Variants in MIX23 observed in about 807,000 individuals in gnomAD.
MIX23 encodes the protein mitochondrial matrix import factor 23.
MIX23 carries 13 observed loss-of-function variants against 21.6 expected under a neutral mutation model. The ratio of observed to expected loss-of-function variants is 0.60; its 90% CI spans 0.39 to 0.96. MIX23 has a LOEUF of 0.96. MIX23 is among the 40% of genes least tolerant of loss of function. The pLI, the probability that MIX23 is intolerant of heterozygous loss-of-function variation, is 0.00. For synonymous variants in MIX23, 59 were observed against 58.0 expected, an observed-to-expected ratio of 1.02 and a Z score of -0.08; for missense variants, 144 against 171.2, an observed-to-expected ratio of 0.84 and a Z score of 0.89.
At position 122,360,104 on chromosome 3, in the gene MIX23, G is replaced by A. The variant is rs554817543; in HGVS notation, c.385-185C>T. ...TTATGAGGTGCCAAATGCACAGAAG[G>A]CCTTGACATCCATTTACAAGACAAT... is the stretch of plus-strand genomic sequence containing the variant. On this transcript the variant is annotated intron_variant, in intron 4 of 4. Coordinates refer to ENST00000291458, the MANE Select transcript of MIX23 (RefSeq NM_001017928.4). 2.6e-5 allele frequency among the ~76,000 whole-genome samples: 4 copies of A among 152,166 alleles called. No homozygotes were observed. The East Asian group carries it at 7.7e-4, about 29-fold the overall frequency.
intron 1 of MIX23, among the ~76,000 whole-genome samples, chr3:122,378,060 A>T (rs1222510727): frequency 6.6e-6 from 1 of 152,204 alleles, no homozygotes; most frequent in African/African-American, 2.4e-5. Flanking sequence ...TCTGAGACCC[A>T]CAGGGAACCA....
At chr3:122,360,978 G>A (rs1025995611) in intron 4 of MIX23, among the ~76,000 whole-genome samples, 1 of 152,022 alleles carries the variant, frequency 6.6e-6, no homozygotes, top group African/African-American at 2.4e-5. Flanking sequence ...CGAGTAGCTG[G>A]GACTACAGGC....
At chr3:122,382,289 T>A (rs1266173840) in intron 1 of MIX23, among the ~76,000 whole-genome samples, 1 of 152,178 alleles carries the variant, frequency 6.6e-6, no homozygotes, top group Non-Finnish European at 1.5e-5. Flanking sequence ...GGTGAGACAC[T>A]CTCGCTACAA....
At chr3:122,368,131 A>G (rs762961664) in intron 3 of MIX23, 45 bp downstream of exon 3, 4 of 1,594,824 alleles carry the variant, frequency 2.5e-6, no homozygotes, top group African/African-American at 2.7e-5. Flanking sequence ...GAAGGCTACA[A>G]TTGGAAAAAC....
At chr3:122,374,762 G>T (rs1196445748) in intron 1 of MIX23, among the ~76,000 whole-genome samples, 1 of 152,176 alleles carries the variant, frequency 6.6e-6, no homozygotes. Flanking sequence ...CAAAATTCCT[G>T]AAGGGGGAGA....
intron 2 of MIX23, among the ~76,000 whole-genome samples, chr3:122,368,803 A>T (rs1037669192): frequency 2.0e-5 from 3 of 152,240 alleles, no homozygotes; most frequent in Admixed American, 2.0e-4. Context: ...TCATGTATAG[A>T]AGATTTCATT....
chr3:122,371,792 G>C lies in MIX23; in HGVS notation c.60C>G (p.Leu20=), dbSNP rs1388849858. 1.3e-6 allele frequency: 2 copies of C among 1,597,476 alleles called. No homozygotes were observed. The highest frequency in any genetic ancestry group is 1.7e-6 in the Non-Finnish European group (2 of 1,165,954). ...TGTCATCAATTGTCCTCATCACCTT[G>C]AGTAATTCCTATATGTATTTAAAAT... ...CEEFAEFQEL[L]KVMRTIDDRI... Residue 20 remains leucine (L), a synonymous_variant, in exon 2 of 5, where the codon CTC becomes CTG. Coordinates refer to ENST00000291458, the MANE Select transcript of MIX23 (RefSeq NM_001017928.4).
At chr3:122,368,786 A>C (rs1312609401) in intron 2 of MIX23, among the ~76,000 whole-genome samples, 3 of 152,248 alleles carry the variant, frequency 2.0e-5, no homozygotes, top group African/African-American at 7.2e-5. Context: ...AGAAATTATA[A>C]ACTAAGTCAT....
At chr3:122,371,434 A>G (rs2075440982) in intron 2 of MIX23, among the ~76,000 whole-genome samples, 2 of 152,232 alleles carry the variant, frequency 1.3e-5, no homozygotes, top group South Asian at 4.1e-4. Flanking sequence ...AAAGGCTACA[A>G]AACAACTGCT....
intron 1 of MIX23, among the ~76,000 whole-genome samples, chr3:122,375,177 G>A (rs900724813): frequency 3.9e-5 from 6 of 152,130 alleles, no homozygotes; most frequent in African/African-American, 1.4e-4. Flanking sequence ...TAGAATTAAG[G>A]AGAGGTAGTT....
chr3:122,371,281 T>C (rs2075439835), intron 2 of MIX23, among the ~76,000 whole-genome samples: 1 of 152,184 alleles, frequency 6.6e-6, no homozygotes, highest in Non-Finnish European at 1.5e-5. Flanking sequence ...GGTTTAAAGG[T>C]GTGAAGGGTT....
rs1459400261 is a variant in MIX23 at position 122,368,250 on chromosome 3, T to A, written c.250A>T (p.Asn84Tyr). Reference protein sequence around the residue: ...CIAQTSAVVKNLREEREKNLD... With the variant: ...CIAQTSAVVKYLREEREKNLD... ...TTCTTTTCTCTCTCTTCTCGGAGGT[T>A]TTTTACTACTGCTGAAGTCTGGGCT... The change falls in exon 3 of 5, where the codon AAC becomes TAC. Residue 84 changes from asparagine (N) to tyrosine (Y), a missense_variant. Asn to Tyr is a moderately radical substitution (Grantham distance 143, BLOSUM62 -2). Transcript: ENST00000291458. 6.2e-7 allele frequency: 1 copy of A among 1,610,572 alleles called. No individual in the cohort carries two copies. The highest frequency in any genetic ancestry group is 1.1e-5 in the South Asian group (1 of 91,016).
intron 3 of MIX23, 41 bp downstream of exon 3, chr3:122,368,135 G>GA: frequency 6.2e-7 from 1 of 1,600,084 alleles, no homozygotes; most frequent in Non-Finnish European, 8.5e-7. Context: ...GCTACAATTG[G>GA]AAAAACTTTG....
At chr3:122,372,943 T>C (rs2075454075) in intron 1 of MIX23, 1 of 366,158 alleles carries the variant, frequency 2.7e-6, no homozygotes, top group Non-Finnish European at 5.4e-6. Flanking sequence ...AAAAGCAACG[T>C]TTGATTCTTT....
intron 1 of MIX23, among the ~76,000 whole-genome samples, chr3:122,377,836 C>CA (rs751582734): frequency 6.6e-6 from 1 of 151,798 alleles, no homozygotes; most frequent in Non-Finnish European, 1.5e-5. Flanking sequence ...GACTATGTCT[C>CA]AAAAAAATTT....
At chr3:122,372,491 C>A (rs1158050648) in intron 1 of MIX23, among the ~76,000 whole-genome samples, 3 of 151,840 alleles carry the variant, frequency 2.0e-5, no homozygotes, top group African/African-American at 7.3e-5. Context: ...AGAACAAGAA[C>A]AACAACAACA....
At chr3:122,379,944 T>C (rs1055096437) in intron 1 of MIX23, among the ~76,000 whole-genome samples, 3 of 152,162 alleles carry the variant, frequency 2.0e-5, no homozygotes, top group South Asian at 4.1e-4. Context: ...TTCTCTGTAA[T>C]TGGTGGGGTA....
chr3:122,372,878 G>C (rs1374674607), intron 1 of MIX23: 1 of 306,144 alleles, frequency 3.3e-6, no homozygotes, highest in South Asian at 2.9e-5. Context: ...TATAATACTA[G>C]GAATATACTT....
chr3:122,374,035 CA>C (rs1034394299), intron 1 of MIX23, among the ~76,000 whole-genome samples: 115 of 138,340 alleles, frequency 8.3e-4, no homozygotes, highest in East Asian at 6.2e-4. Context: ...TTGGGAAGTC[CA>C]AAAAAAAAAA....
Sources: allele counts gnomAD v4.1 joint callset (sites outside exome capture counted in the v4.1 genomes callset), GRCh38; gene constraint gnomAD v4.1.1; transcripts MANE v1.5; gene names NCBI Gene and HGNC (gene_info 2026-07-23, HGNC 2026-07-21).